DCLRE1C: variants seen among roughly 807,000 people sequenced by gnomAD.
DCLRE1C encodes the protein protein artemis.
DCLRE1C carries 47 observed loss-of-function variants against 61.4 expected under a neutral mutation model. That is an observed-to-expected ratio of 0.77 (90% CI 0.61 to 0.98). DCLRE1C has a LOEUF of 0.98. DCLRE1C is among the 50% of genes least tolerant of loss of function. The pLI, the probability that DCLRE1C is intolerant of heterozygous loss-of-function variation, is 0.00. For missense variants in DCLRE1C, 858 were observed against 816.0 expected (o/e 1.05, Z -0.63); for synonymous variants, 337 against 287.6 (o/e 1.17, Z -1.74).
At chr10:14,940,072 C>T (rs1005526324) in intron 3 of DCLRE1C, among the ~76,000 whole-genome samples, 7 of 152,102 alleles carry the variant, frequency 4.6e-5, no homozygotes, top group African/African-American at 1.2e-4. Context: ...TTTGGTAATA[C>T]GGAGTAAACG....
chr10:14,933,078 T>C (rs1011666008), intron 8 of DCLRE1C, 123 bp from the exon 9 acceptor site: 3 of 1,154,578 alleles, frequency 2.6e-6, no homozygotes, highest in Admixed American at 2.0e-5. Context: ...TCTTGAAAAG[T>C]AGTTTTTGGC....
rs146366548 is a variant in DCLRE1C at position 14,948,999 on chromosome 10, A to C, written c.161+37T>G. 6,219 of 1,461,868 alleles carry C rather than the reference A, an allele frequency of 4.3e-3. 22 individuals carry two copies. The highest frequency in any genetic ancestry group is 4.7e-3 in the Non-Finnish European group (4,877 of 1,043,106). 90.6% of individuals were successfully genotyped at this position (1,461,868 alleles called of 1,614,324 possible). ...GTACAGTTGTTATCTCTCAATTAAA[A>C]TGTTTGCTTAAAAACACAAGTAGCA... On this transcript the variant is annotated intron_variant, in intron 2 of 13. Transcript: ENST00000378278.
chr10:14,909,350 G>C lies in DCLRE1C; in HGVS notation c.1157-20C>G. On this transcript the variant is annotated intron_variant, in intron 13 of 13. Coordinates refer to ENST00000378278, the MANE Select transcript of DCLRE1C (RefSeq NM_001033855.3). ...CCTCCTCTGTGGGACAAACAAAACA[G>C]GTTTATAGGAAACAAGGCAAAGGGA... The C allele has an allele frequency of 2.5e-6, 4 of 1,609,842 alleles. No homozygotes were observed. Among genetic ancestry groups the C allele is most frequent in the Non-Finnish European group, 3.4e-6 (4 of 1,178,516 alleles).
intron 2 of DCLRE1C, among the ~76,000 whole-genome samples, chr10:14,946,666 G>A (rs41296346): frequency 1.0e-5 from 1 of 97,380 alleles, no homozygotes; most frequent in East Asian, 2.7e-4. Flanking sequence ...ACGCTAAAGA[G>A]ATTTTTTTTT....
chr10:14,944,851 T>A (rs1462750868), intron 3 of DCLRE1C, among the ~76,000 whole-genome samples: 4 of 151,722 alleles, frequency 2.6e-5, no homozygotes, highest in Non-Finnish European at 5.9e-5. Context: ...AATTTTGTAT[T>A]TTTAGTAGAG....
rs1367286297 is a variant in DCLRE1C at position 14,908,613 on chromosome 10, C to T, written c.1874G>A (p.Ser625Asn). 1 of 1,614,156 alleles carries T rather than the reference C, an allele frequency of 6.2e-7. No individual in the cohort carries two copies. The highest frequency in any genetic ancestry group is 1.7e-5 in the Admixed American group (1 of 60,018). The change falls in exon 14 of 14, where the codon AGC becomes AAC. Residue 625 changes from serine to asparagine, a missense_variant. Ser to Asn is a conservative substitution (Grantham distance 46). Around this residue, in one of 2 missense-constraint regions of DCLRE1C, gnomAD observed 843 missense variants for 783.5 expected, o/e 1.08. Transcript: ENST00000378278. The part of the protein sequence containing the change: ...VPSTGEPTTL[S>N]SETHIPEEKS... ...TTCCTCGGGTATATGTGTCTCACTGCTTAGAGTAGTTGGTTCTCCAGTACT... is the reference window on the plus strand; with the variant it reads ...TTCCTCGGGTATATGTGTCTCACTGTTTAGAGTAGTTGGTTCTCCAGTACT...
At position 14,949,031 on chromosome 10, in the gene DCLRE1C, A is replaced by AT; in HGVS notation, c.161+4dup. On this transcript the variant is annotated splice_donor_region_variant and intron_variant, in intron 2 of 13. Coordinates refer to ENST00000378278, the MANE Select transcript of DCLRE1C (RefSeq NM_001033855.3). Reference sequence around the variant, plus strand: ...CTTAAAAACACAAGTAGCAAAATAAATTACCTGCACTCCAACCTTCTTTTC... The same window carrying AT: ...CTTAAAAACACAAGTAGCAAAATAAATTTACCTGCACTCCAACCTTCTTTTC... The AT allele has an allele frequency of 6.2e-7, 1 of 1,604,322 alleles. No individual in the cohort carries two copies.
intron 12 of DCLRE1C, among the ~76,000 whole-genome samples, chr10:14,921,307 G>A (rs556438346): frequency 1.4e-4 from 21 of 151,682 alleles, no homozygotes; most frequent in South Asian, 6.2e-4. Context: ...GTGACAGAGC[G>A]AGACTCCATC....
chr10:14,916,266 C>T (rs1208148748), intron 13 of DCLRE1C, among the ~76,000 whole-genome samples: 1 of 152,138 alleles, frequency 6.6e-6, no homozygotes, highest in South Asian at 2.1e-4. Context: ...AGAAAAACAT[C>T]CTGGCTGAAA....
intron 13 of DCLRE1C, among the ~76,000 whole-genome samples, chr10:14,911,483 A>C (rs1002304841): frequency 1.3e-5 from 2 of 152,236 alleles, no homozygotes; most frequent in African/African-American, 4.8e-5. Flanking sequence ...AAAACAAATT[A>C]TCAGAAATTC....
Position 14,934,504 on chromosome 10 carries a change from C to T in DCLRE1C, c.554G>A (p.Gly185Glu), listed in dbSNP as rs1336396486. The change falls in exon 8 of 14, where the codon GGA (glycine) becomes GAA (glutamate). Residue 185 changes from glycine (G) to glutamate (E), a missense_variant. Transcript: ENST00000378278. Reference protein sequence around the residue: ...QIPSREECLSGVLELVRSWIT... With the variant: ...QIPSREECLSEVLELVRSWIT... ...CCAGCTTCGGACCAGCTCTAAGACTCCACTTAAACACTCCTCCTAGACAGG... is the reference window on the plus strand; with the variant it reads ...CCAGCTTCGGACCAGCTCTAAGACTTCACTTAAACACTCCTCCTAGACAGG... The T allele has an allele frequency of 3.7e-6, 6 of 1,614,030 alleles. No individual in the cohort carries two copies. The African/African-American group carries it at 4.0e-5, about 11-fold the overall frequency.
chr10:14,928,487 T>C (rs2130857589), intron 9 of DCLRE1C, among the ~76,000 whole-genome samples: 1 of 152,268 alleles, frequency 6.6e-6, no homozygotes, highest in South Asian at 2.1e-4. Context: ...GTCCCCCTAT[T>C]CTACAAGCTA....
rs1310434338 is a variant in DCLRE1C, at chr10:14,949,089, TA to T, written c.110-3del. The stretch of plus-strand genomic sequence containing the variant: ...GGGCTCTTAATCCTTTCATGTGATC[TA>T]AAAACAAAAGAACAAAAACTCATGA... On this transcript the variant is annotated splice_polypyrimidine_tract_variant and splice_region_variant and intron_variant, in intron 1 of 13. Coordinates refer to ENST00000378278, the MANE Select transcript of DCLRE1C (RefSeq NM_001033855.3). 3.1e-6 allele frequency: 5 copies of T among 1,605,732 alleles called. No individual in the cohort carries two copies. The highest frequency in any genetic ancestry group is 1.7e-4 in the Middle Eastern group (1 of 6,012).
intron 1 of DCLRE1C, among the ~76,000 whole-genome samples, chr10:14,949,363 C>T (rs1361655263): frequency 1.3e-5 from 2 of 152,210 alleles, no homozygotes; most frequent in South Asian, 2.1e-4. Flanking sequence ...TGGGCAGCCA[C>T]AGAAGAATGA....
intron 1 of DCLRE1C, among the ~76,000 whole-genome samples, chr10:14,950,871 T>G (rs1056239373): frequency 1.3e-5 from 2 of 152,056 alleles, no homozygotes; most frequent in Admixed American, 6.6e-5. Flanking sequence ...CAGGGAGGTT[T>G]TCCTTTTCCT....
Position 14,909,271 on chromosome 10 carries a change from G to A in DCLRE1C, c.1216C>T (p.Pro406Ser). 4 of 1,613,816 alleles carry A rather than the reference G, an allele frequency of 2.5e-6. No homozygotes were observed. The highest frequency in any genetic ancestry group is 3.4e-6 in the Non-Finnish European group (4 of 1,179,950). ...PLPIPLRHKV[P>S]YPETFHPEVF... ...TCAGGGTGAAAAGTTTCCGGGTATGGAACTTTGTGCCTTAAAGGTATTGGC... is the reference window on the plus strand; with the variant it reads ...TCAGGGTGAAAAGTTTCCGGGTATGAAACTTTGTGCCTTAAAGGTATTGGC... Residue 406 changes from proline to serine, a missense_variant, in exon 14 of 14, where the codon CCA (proline) becomes TCA (serine). Pro to Ser is a moderately conservative substitution (Grantham distance 74). Around this residue, in one of 2 missense-constraint regions of DCLRE1C, gnomAD observed 843 missense variants for 783.5 expected, o/e 1.08. Coordinates refer to ENST00000378278, the MANE Select transcript of DCLRE1C (RefSeq NM_001033855.3).
chr10:14,933,005 A>C, intron 8 of DCLRE1C, 50 bp from the exon 9 acceptor site: 1 of 1,596,724 alleles, frequency 6.3e-7, no homozygotes, highest in Non-Finnish European at 8.6e-7. Context: ...TATTTCCTAT[A>C]AATTGTTCAA....
chr10:14,900,404 T>A (rs1038825276), downstream of DCLRE1C, among the ~76,000 whole-genome samples: 43 of 152,184 alleles, frequency 2.8e-4, no homozygotes, highest in African/African-American at 1.0e-3. Flanking sequence ...GCTGAACATA[T>A]AAAGGAAGTA....
chr10:14,919,840 G>C lies in DCLRE1C; in HGVS notation c.1062-8C>G. On this transcript the variant is annotated splice_polypyrimidine_tract_variant and splice_region_variant and intron_variant, in intron 12 of 13. Transcript: ENST00000378278. ...CGGCATAAAGGCTTTAAGCTGAAAT[G>C]AATCAGAATATTTGATTTTTCCTTT... 1 of 1,600,960 alleles carries C rather than the reference G, an allele frequency of 6.2e-7. No individual in the cohort carries two copies. The highest frequency in any genetic ancestry group is 1.1e-5 in the South Asian group (1 of 90,788).
Sources: gnomAD v4.1 joint callset for allele counts (sites outside exome capture counted in the v4.1 genomes callset) on GRCh38, gnomAD v4.1.1 for gene constraint, gnomAD v4.1.1 regional missense constraint, MANE v1.5 for transcripts, NCBI Gene and HGNC (gene_info 2026-07-23, HGNC 2026-07-21) for gene names.